Variants in GALNT10 observed in about 807,000 individuals in gnomAD.
GALNT10 encodes the protein GalNAc transferase 10.
GALNT10 carries 41 observed loss-of-function variants against 75.0 expected under a neutral mutation model. That is an observed-to-expected ratio of 0.55 (90% CI 0.43 to 0.71). The LOEUF is 0.71. GALNT10 is among the 30% of genes least tolerant of loss of function. The pLI, the probability that GALNT10 is intolerant of heterozygous loss-of-function variation, is 0.00. For synonymous variants in GALNT10, 302 were observed against 313.0 expected (o/e 0.96, Z 0.37); for missense variants, 727 against 818.5 (o/e 0.89, Z 1.36).
chr5:154,301,359 A>G (rs908724494), intron 3 of GALNT10, among the ~76,000 whole-genome samples: 8 of 152,060 alleles, frequency 5.3e-5, no homozygotes, highest in Non-Finnish European at 1.2e-4. Flanking sequence ...TATAACTACC[A>G]CTGATCTTTT....
Position 154,376,303 on chromosome 5 carries a change from T to G in GALNT10, c.595T>G (p.Tyr199Asp). ...REHLKKPLED[Y>D]MALFPSVRIL... ...GCACCTGAAGAAGCCTCTTGAAGAC[T>G]ACATGGCCCTTTTCCCCAGTGTGAG... is the stretch of plus-strand genomic sequence containing the variant. Residue 199 changes from tyrosine to aspartate, a missense_variant, in exon 5 of 12, where the codon TAC becomes GAC. Physicochemically the swap from Tyr to Asp is radical, Grantham distance 160. Coordinates refer to ENST00000297107, the MANE Select transcript of GALNT10 (RefSeq NM_198321.4). The surrounding 1 kb of genome is among the most constrained non-coding windows in gnomAD (Gnocchi z 4.1). The G allele has an allele frequency of 6.2e-7, 1 of 1,612,718 alleles. No individual in the cohort carries two copies. The highest frequency in any genetic ancestry group is 8.5e-7 in the Non-Finnish European group (1 of 1,179,058).
intron 4 of GALNT10, among the ~76,000 whole-genome samples, chr5:154,348,680 C>T (rs1406025294): frequency 1.3e-5 from 2 of 152,164 alleles, no homozygotes; most frequent in African/African-American, 4.8e-5. Flanking sequence ...CAAATTACAT[C>T]ACTTCTTTGT....
chr5:154,216,623 C>T (rs890722507), intron 1 of GALNT10, among the ~76,000 whole-genome samples: 2 of 152,112 alleles, frequency 1.3e-5, no homozygotes, highest in African/African-American at 4.8e-5. Flanking sequence ...AATTTGTAAT[C>T]ATAAAATGCA....
chr5:154,216,280 T>C (rs1752870620), intron 1 of GALNT10, among the ~76,000 whole-genome samples: 1 of 152,208 alleles, frequency 6.6e-6, no homozygotes, highest in African/African-American at 2.4e-5. Context: ...TGCTATGTGT[T>C]ATATACTGCA....
rs373180718 is a variant in GALNT10, at chr5:154,217,006, G to A, written c.159+25981G>A. Among the ~76,000 whole-genome samples, 19 of 152,212 alleles carry A rather than the reference G, an allele frequency of 1.2e-4. No individual in the cohort carries two copies. In the South Asian group the frequency reaches 3.3e-3, roughly 27 times the overall value. On this transcript the variant is annotated intron_variant, in intron 1 of 11. Transcript: ENST00000297107. ...GAAGCACTGCTTTAATTATGAGACC[G>A]TTGTTACCTTTTACCTCCTATTCAA... is the stretch of plus-strand genomic sequence containing the variant.
chr5:154,235,179 A>G (rs893028872), intron 1 of GALNT10, among the ~76,000 whole-genome samples: 1 of 152,192 alleles, frequency 6.6e-6, no homozygotes, highest in African/African-American at 2.4e-5. Flanking sequence ...GCCCAGCACC[A>G]TTGCCACAAA....
intron 3 of GALNT10, among the ~76,000 whole-genome samples, chr5:154,321,214 C>T (rs1581972324): frequency 1.3e-5 from 2 of 152,318 alleles, no homozygotes; most frequent in South Asian, 4.2e-4. Context: ...GTGACTCCTG[C>T]CCATTTTGAC....
chr5:154,416,002 C>T lies in GALNT10; in HGVS notation c.1653+70C>T. ...TTTAAGGCAATACAGTGCTTCACCCCTTCTTTCAACAGAGCCCATCCACTT... is the reference window on the plus strand; with the variant it reads ...TTTAAGGCAATACAGTGCTTCACCCTTTCTTTCAACAGAGCCCATCCACTT... On this transcript the variant is annotated intron_variant, in intron 11 of 11. Coordinates refer to ENST00000297107, the MANE Select transcript of GALNT10 (RefSeq NM_198321.4). This position sits in a 1 kb window ranked among gnomAD's most constrained non-coding sequence, Gnocchi z 4.5. 3 of 1,382,168 alleles carry T rather than the reference C, an allele frequency of 2.2e-6. No individual in the cohort carries two copies. Among genetic ancestry groups the T allele is most frequent in the Non-Finnish European group, 3.0e-6 (3 of 991,648 alleles). 85.6% of individuals were successfully genotyped at this position (1,382,168 alleles called of 1,614,324 possible).
At chr5:154,318,432 C>A (rs1051140524) in intron 3 of GALNT10, among the ~76,000 whole-genome samples, 5 of 105,868 alleles carry the variant, frequency 4.7e-5, no homozygotes, top group Non-Finnish European at 9.9e-5. Flanking sequence ...TAAATTATCC[C>A]TATAAAATAC....
chr5:154,327,336 T>C (rs1450796602), intron 3 of GALNT10, among the ~76,000 whole-genome samples: 21 of 152,234 alleles, frequency 1.4e-4, no homozygotes, highest in Non-Finnish European at 4.4e-5. Context: ...AATGGTGATA[T>C]TGATGATATG....
chr5:154,349,128 A>C (rs1298135965), intron 4 of GALNT10, among the ~76,000 whole-genome samples: 1 of 152,132 alleles, frequency 6.6e-6, no homozygotes, highest in Non-Finnish European at 1.5e-5. Context: ...AAATAAAAAT[A>C]ATCAGGAAAG....
At chr5:154,221,440 T>C (rs956888268) in intron 1 of GALNT10, among the ~76,000 whole-genome samples, 5 of 152,210 alleles carry the variant, frequency 3.3e-5, no homozygotes, top group Admixed American at 3.3e-4. Flanking sequence ...TGTGCCTTAC[T>C]GAGTCTGCAC....
intron 3 of GALNT10, among the ~76,000 whole-genome samples, chr5:154,316,145 C>G (rs1211281532): frequency 6.6e-6 from 1 of 152,220 alleles, no homozygotes; most frequent in Non-Finnish European, 1.5e-5. Context: ...TCCCACTTCT[C>G]TAGGCTGTGT....
chr5:154,250,661 G>A (rs1367625215), intron 1 of GALNT10, among the ~76,000 whole-genome samples: 4 of 152,096 alleles, frequency 2.6e-5, no homozygotes, highest in African/African-American at 9.7e-5. Context: ...AGGAGGAGGG[G>A]GTTAGAGTGA....
At chr5:154,253,374 A>G (rs1753557385) in intron 1 of GALNT10, among the ~76,000 whole-genome samples, 1 of 120,102 alleles carries the variant, frequency 8.3e-6, no homozygotes, top group African/African-American at 3.2e-5. Flanking sequence ...GGGGAACATC[A>G]CACACCGGGG....
At chr5:154,321,310 C>CCTT (rs1554098546) in intron 3 of GALNT10, among the ~76,000 whole-genome samples, 1 of 148,826 alleles carries the variant, frequency 6.7e-6, no homozygotes, top group Non-Finnish European at 1.5e-5. Context: ...CTCCTCAAAA[C>CCTT]TTTTTTTTTT....
intron 7 of GALNT10, among the ~76,000 whole-genome samples, chr5:154,391,499 C>T (rs1755895934): frequency 6.6e-6 from 1 of 152,196 alleles, no homozygotes; most frequent in Admixed American, 6.5e-5. Context: ...AAAGTTCTCA[C>T]GTGGAAGTCA....
intron 1 of GALNT10, among the ~76,000 whole-genome samples, chr5:154,197,186 T>A (rs1457208086): frequency 2.0e-5 from 3 of 152,126 alleles, no homozygotes; most frequent in African/African-American, 7.2e-5. Flanking sequence ...TAAAGAGCAA[T>A]TGAAAGCTGT....
intron 4 of GALNT10, among the ~76,000 whole-genome samples, chr5:154,373,809 C>T (rs1034258487): frequency 1.3e-5 from 2 of 152,080 alleles, no homozygotes; most frequent in African/African-American, 4.8e-5. Context: ...CTGACTTTAC[C>T]ACAAGCTGTC....
Sources: gnomAD v4.1 joint callset for allele counts (sites outside exome capture counted in the v4.1 genomes callset) on GRCh38, gnomAD v4.1.1 for gene constraint, Gnocchi (gnomAD v3.1) non-coding constraint, MANE v1.5 for transcripts, NCBI Gene and HGNC (gene_info 2026-07-23, HGNC 2026-07-21) for gene names.